The following MACROD2 variants were observed in gnomAD, a reference collection of about 807,000 sequenced individuals.
MACROD2 encodes the protein mono-ADP ribosylhydrolase 2.
MACROD2 carries 36 observed loss-of-function variants against 70.4 expected under a neutral mutation model. That is an observed-to-expected ratio of 0.51 (90% CI 0.39 to 0.68). The LOEUF is 0.68. Among genes scored for constraint, MACROD2 ranks in the 30% least tolerant of loss-of-function variants. The pLI, the probability that MACROD2 is intolerant of heterozygous loss-of-function variation, is 0.00. For synonymous variants in MACROD2, 172 were observed against 178.8 expected, an observed-to-expected ratio of 0.96 and a Z score of 0.30; for missense variants, 496 against 538.4, an observed-to-expected ratio of 0.92 and a Z score of 0.78.
At chr20:15,665,538 G>A (rs1568961692) in intron 8 of MACROD2, among the ~76,000 whole-genome samples, 2 of 152,106 alleles carry the variant, frequency 1.3e-5, no homozygotes. Flanking sequence ...GCAATGTGAG[G>A]GTCACAATAG....
At chr20:14,452,710 A>G (rs2084258367) in intron 3 of MACROD2, among the ~76,000 whole-genome samples, 1 of 152,154 alleles carries the variant, frequency 6.6e-6, no homozygotes, top group East Asian at 1.9e-4. Context: ...TACAAATCTT[A>G]TTATTCAAAG....
chr20:15,164,186 T>C (rs771757634), intron 5 of MACROD2, among the ~76,000 whole-genome samples: 4 of 152,028 alleles, frequency 2.6e-5, no homozygotes, highest in South Asian at 4.1e-4. Context: ...TTTAAAAAAA[T>C]AAAACAAAAG....
At chr20:15,393,168 C>T (rs1230606635) in intron 6 of MACROD2, among the ~76,000 whole-genome samples, 1 of 152,092 alleles carries the variant, frequency 6.6e-6, no homozygotes, top group Non-Finnish European at 1.5e-5. Context: ...CAAAAGAAGC[C>T]ATGGTCTCTA....
chr20:15,761,585 G>C (rs6131700), intron 8 of MACROD2, among the ~76,000 whole-genome samples: 12,627 of 152,102 alleles, frequency 0.083, 1,048 homozygotes, highest in East Asian at 0.34. Flanking sequence ...TCCACATTTT[G>C]TTATAGGCAA....
intron 4 of MACROD2, among the ~76,000 whole-genome samples, chr20:14,562,958 A>G (rs770277916): frequency 6.6e-6 from 1 of 151,790 alleles, no homozygotes; most frequent in Non-Finnish European, 1.5e-5. Flanking sequence ...GAGCTTTCTG[A>G]GCCCTGTGTC....
At chr20:15,381,097 G>T (rs1163038984) in intron 6 of MACROD2, among the ~76,000 whole-genome samples, 1 of 152,154 alleles carries the variant, frequency 6.6e-6, no homozygotes, top group African/African-American at 2.4e-5. Context: ...AATTAACTAT[G>T]TGGAATTTGC....
intron 3 of MACROD2, among the ~76,000 whole-genome samples, chr20:14,301,282 A>G (rs1279333984): frequency 2.0e-5 from 3 of 152,222 alleles, no homozygotes; most frequent in South Asian, 4.1e-4. Context: ...TAAAAAAATG[A>G]AAGGTGCCAT....
At chr20:14,026,688 T>G (rs2053172033) in intron 2 of MACROD2, among the ~76,000 whole-genome samples, 1 of 152,210 alleles carries the variant, frequency 6.6e-6, no homozygotes, top group Non-Finnish European at 1.5e-5. Context: ...CTCTTCTGGC[T>G]TGTAGGGTTT....
At chr20:14,236,364 C>T (rs772262949) in intron 3 of MACROD2, among the ~76,000 whole-genome samples, 2 of 151,912 alleles carry the variant, frequency 1.3e-5, no homozygotes, top group Non-Finnish European at 2.9e-5. Flanking sequence ...AGAATCAAAA[C>T]GCTTTCATGA....
chr20:15,067,840 T>C lies in MACROD2; in HGVS notation c.419-162100T>C, dbSNP rs576020050. 1.4e-4 allele frequency among the ~76,000 whole-genome samples: 21 copies of C among 152,338 alleles called. No individual in the cohort carries two copies. The South Asian group carries it at 3.9e-3, about 29-fold the overall frequency. On this transcript the variant is annotated intron_variant, in intron 5 of 17. Coordinates refer to ENST00000684519, the MANE Select transcript of MACROD2 (RefSeq NM_001351661.2). The stretch of plus-strand genomic sequence containing the variant: ...AACTACTCTCTACAAATTGGTTTTA[T>C]AATACATATTTTACCTAATGAGAAT...
At chr20:15,504,290 G>T (rs2047398844) in intron 8 of MACROD2, among the ~76,000 whole-genome samples, 1 of 152,080 alleles carries the variant, frequency 6.6e-6, no homozygotes, top group South Asian at 2.1e-4. Flanking sequence ...AAACCCGAGG[G>T]GAGGAACGCT....
chr20:14,734,445 G>A (rs1211154062), intron 5 of MACROD2, among the ~76,000 whole-genome samples: 2 of 150,232 alleles, frequency 1.3e-5, no homozygotes, highest in Admixed American at 1.3e-4. Context: ...AGCTTGCAGT[G>A]AGCCGAGATC....
At chr20:14,543,439 CT>C (rs1286716821) in intron 4 of MACROD2, among the ~76,000 whole-genome samples, 2 of 152,244 alleles carry the variant, frequency 1.3e-5, no homozygotes, top group African/African-American at 4.8e-5. Flanking sequence ...TTAATTTTAA[CT>C]GGTTATTGTT....
At chr20:15,791,743 A>C (rs1415386052) in intron 8 of MACROD2, among the ~76,000 whole-genome samples, 2 of 152,044 alleles carry the variant, frequency 1.3e-5, no homozygotes, top group African/African-American at 4.8e-5. Context: ...GACCCATATG[A>C]AGAAAACTTG....
At chr20:15,713,536 GGA>G (rs34377128) in intron 8 of MACROD2, among the ~76,000 whole-genome samples, 8,386 of 150,394 alleles carry the variant, frequency 0.056, 304 homozygotes, top group East Asian at 0.16. Context: ...CTCGATGGCA[GGA>G]GAGAGAGAGA....
chr20:15,789,503 T>C (rs1003215102), intron 8 of MACROD2, among the ~76,000 whole-genome samples: 2 of 152,120 alleles, frequency 1.3e-5, no homozygotes, highest in African/African-American at 4.8e-5. Flanking sequence ...ATTCAAAGAA[T>C]GTAACAGCGA....
chr20:15,136,294 C>A (rs915413891), intron 5 of MACROD2, among the ~76,000 whole-genome samples: 2 of 147,926 alleles, frequency 1.4e-5, no homozygotes, highest in African/African-American at 5.0e-5. Context: ...AGGCATCATG[C>A]TACCTGACTT....
chr20:14,859,986 A>T (rs895925405), intron 5 of MACROD2, among the ~76,000 whole-genome samples: 17 of 152,178 alleles, frequency 1.1e-4, no homozygotes, highest in Admixed American at 1.0e-3. Flanking sequence ...AGGCAAATCC[A>T]GGACAACATT....
chr20:14,873,631 G>A (rs1165430025), intron 5 of MACROD2, among the ~76,000 whole-genome samples: 1 of 152,116 alleles, frequency 6.6e-6, no homozygotes, highest in Non-Finnish European at 1.5e-5. Context: ...GGGAAGCCGA[G>A]ACAGGCAGAT....
Sources: allele counts gnomAD v4.1 joint callset (sites outside exome capture counted in the v4.1 genomes callset), GRCh38; gene constraint gnomAD v4.1.1; transcripts MANE v1.5; gene names NCBI Gene and HGNC (gene_info 2026-07-23, HGNC 2026-07-21).